The following SLC43A2 variants were observed in gnomAD, a reference collection of about 807,000 sequenced individuals.
SLC43A2 encodes the protein large neutral amino acids transporter small subunit 4.
In SLC43A2, 38 loss-of-function variants were observed where a neutral mutation model predicts 63.2. The observed-to-expected ratio is 0.60, with a 90% confidence interval of 0.46 to 0.79. The LOEUF is 0.79. SLC43A2 is among the 30% of genes least tolerant of loss of function. The probability of loss-of-function intolerance (pLI) is 0.00; values close to 1 mark genes in which losing one functional copy is unlikely to be tolerated. For missense variants in SLC43A2, 644 were observed against 756.2 expected, an observed-to-expected ratio of 0.85 and a Z score of 1.74; for synonymous variants, 322 against 331.0, an observed-to-expected ratio of 0.97 and a Z score of 0.30.
chr17:1,594,745 A>T lies in SLC43A2; in HGVS notation c.502-1466T>A, dbSNP rs371075924. ...TGGGACTATAGGCGCCCGCCACCAC[A>T]CCCGGCTAATTTTTTTGTATTTTCA... On this transcript the variant is annotated intron_variant, in intron 5 of 13. Transcript: ENST00000301335. 5.3e-4 allele frequency among the ~76,000 whole-genome samples: 79 copies of T among 150,314 alleles called. 2 individuals carry two copies. The highest frequency in any genetic ancestry group is 1.8e-3 in the African/African-American group (72 of 40,898).
At chr17:1,582,930 T>A (rs750385604) in intron 11 of SLC43A2, among the ~76,000 whole-genome samples, 2 of 152,000 alleles carry the variant, frequency 1.3e-5, no homozygotes, top group African/African-American at 4.8e-5. Context: ...AATACAAAAA[T>A]TAGCTGGGCG....
At chr17:1,592,546 C>T (rs1026084476) in intron 6 of SLC43A2, among the ~76,000 whole-genome samples, 2 of 152,206 alleles carry the variant, frequency 1.3e-5, no homozygotes, top group Non-Finnish European at 2.9e-5. Context: ...CTTCAATGCC[C>T]AGGTGGCCAG....
Position 1,591,714 on chromosome 17 carries a change from G to T in SLC43A2, c.595-15C>A. 8.1e-7 allele frequency: 1 copy of T among 1,241,102 alleles called. No homozygotes were observed. The highest frequency in any genetic ancestry group is 1.3e-5 in the South Asian group (1 of 78,418). 76.9% of individuals were successfully genotyped at this position (1,241,102 alleles called of 1,614,324 possible). On this transcript the variant is annotated splice_polypyrimidine_tract_variant and intron_variant, in intron 6 of 13. Transcript: ENST00000301335. ...TCATAGATGAGCTGACAGGCACCGC[G>T]GGGACGGGGTGGGGGGGGGAGGGGG...
intron 5 of SLC43A2, among the ~76,000 whole-genome samples, chr17:1,609,074 A>C (rs752382118): frequency 1.2e-4 from 18 of 152,216 alleles, no homozygotes; most frequent in Non-Finnish European, 2.6e-4. Flanking sequence ...CTAATAATGA[A>C]ATAAATTTTA....
At chr17:1,629,305 C>T (rs551336914), upstream of SLC43A2, among the ~76,000 whole-genome samples, 122 of 152,134 alleles carry the variant, frequency 8.0e-4, no homozygotes, top group Non-Finnish European at 1.1e-3. Flanking sequence ...GGTGGTTCCA[C>T]TCTCGAATCC....
At chr17:1,596,707 G>A (rs1166974985) in intron 5 of SLC43A2, among the ~76,000 whole-genome samples, 1 of 151,890 alleles carries the variant, frequency 6.6e-6, no homozygotes, top group East Asian at 1.9e-4. Context: ...AGCCTCCCGA[G>A]CGGCACCTCC....
intron 5 of SLC43A2, 107 bp downstream of exon 5, chr17:1,613,088 A>G: frequency 1.0e-6 from 1 of 998,562 alleles, no homozygotes; most frequent in Non-Finnish European, 1.5e-6. Flanking sequence ...TGGGACACCC[A>G]GGCACATGCA....
Position 1,605,335 on chromosome 17 carries a change from T to A in SLC43A2, c.501+7860A>T. The A allele has an allele frequency of 1.5e-6, 1 of 655,026 alleles. No individual in the cohort carries two copies. Among genetic ancestry groups the A allele is most frequent in the Non-Finnish European group, 1.9e-6 (1 of 516,262 alleles). 40.6% of individuals were successfully genotyped at this position (655,026 alleles called of 1,614,324 possible). On this transcript the variant is annotated intron_variant, in intron 5 of 13. Coordinates refer to ENST00000301335, the MANE Select transcript of SLC43A2 (RefSeq NM_152346.3). The surrounding 1 kb of genome is among the most constrained non-coding windows in gnomAD (Gnocchi z 4.9). ...GCAGGCGGCCCCTCCCCTGGCATTC[T>A]GGCCATAGAGCATGACCACCGGACA...
chr17:1,605,151 G>A lies in SLC43A2; in HGVS notation c.501+8044C>T, dbSNP rs1307446784. On this transcript the variant is annotated intron_variant, in intron 5 of 13. Coordinates refer to ENST00000301335, the MANE Select transcript of SLC43A2 (RefSeq NM_152346.3). The surrounding 1 kb of genome is among the most constrained non-coding windows in gnomAD (Gnocchi z 4.9). ...CAGCCCCCTCGCCGCCTCTGCCTCC[G>A]TGCGGGTCAACCTGTCCTGCCAGCC... The A allele has an allele frequency of 1.7e-5, 22 of 1,257,326 alleles. No individual in the cohort carries two copies. Among genetic ancestry groups the A allele is most frequent in the East Asian group, 8.4e-5 (2 of 23,782 alleles). The allele number at this position is 1,257,326 out of a possible 1,614,324, so 77.9% of individuals were successfully genotyped here.
At chr17:1,611,621 C>G (rs1907114173) in intron 5 of SLC43A2, among the ~76,000 whole-genome samples, 1 of 137,408 alleles carries the variant, frequency 7.3e-6, no homozygotes, top group Admixed American at 7.9e-5. Flanking sequence ...GGCAACCGAG[C>G]AGACTCAAAA....
intron 9 of SLC43A2, among the ~76,000 whole-genome samples, chr17:1,589,480 C>A (rs192465378): frequency 5.8e-4 from 89 of 152,220 alleles, no homozygotes; most frequent in African/African-American, 1.9e-3. Context: ...TGGCGCGCAC[C>A]TGGGGAGCCC....
At chr17:1,610,270 C>A (rs916481425) in intron 5 of SLC43A2, among the ~76,000 whole-genome samples, 8 of 151,068 alleles carry the variant, frequency 5.3e-5, no homozygotes, top group Non-Finnish European at 1.0e-4. Context: ...TAAATTTTTA[C>A]TTTTATTTTT....
intron 5 of SLC43A2, among the ~76,000 whole-genome samples, chr17:1,597,430 G>A (rs1351299916): frequency 1.3e-5 from 2 of 151,074 alleles, no homozygotes; most frequent in African/African-American, 2.4e-5. Flanking sequence ...GCTTGAACCC[G>A]GGTGGTGGAG....
intron 11 of SLC43A2, among the ~76,000 whole-genome samples, chr17:1,582,243 C>A (rs2076030765): frequency 6.6e-6 from 1 of 152,140 alleles, no homozygotes; most frequent in Admixed American, 6.5e-5. Flanking sequence ...CCATGCCCAG[C>A]TAACTTTTAT....
Position 1,591,847 on chromosome 17 carries a change from G to A in SLC43A2, c.595-148C>T, listed in dbSNP as rs773518727. On this transcript the variant is annotated intron_variant, in intron 6 of 13. Transcript: ENST00000301335. ...GAGGCACAGCCCTGCCAGCCTGGGC[G>A]TTGGGGCATCAGGCACCCGCCTTCC... 323 of 660,244 alleles carry A rather than the reference G, an allele frequency of 4.9e-4. 1 individual carries two copies. The highest frequency in any genetic ancestry group is 7.2e-4 in the Non-Finnish European group (274 of 382,380). 40.9% of individuals were successfully genotyped at this position (660,244 alleles called of 1,614,324 possible).
At chr17:1,604,857 C>T (rs1220238701) in intron 5 of SLC43A2, 2 of 1,535,682 alleles carry the variant, frequency 1.3e-6, no homozygotes, top group Non-Finnish European at 1.7e-6. Flanking sequence ...TCCCCACATT[C>T]CCCCTCTCGC....
intron 5 of SLC43A2, among the ~76,000 whole-genome samples, chr17:1,602,295 C>A (rs1282131540): frequency 6.6e-6 from 1 of 152,166 alleles, no homozygotes; most frequent in Non-Finnish European, 1.5e-5. Context: ...GCATGAGCCA[C>A]TGCACCCGGC....
In SLC43A2 at chr17:1,597,377, C is replaced by A. The variant is rs140821417; in HGVS notation, c.502-4098G>T. ...AAAATTAGCCAGGCATGGTGACGTG[C>A]ACCTGTAATCCCAGCTACTTGGGAG... On this transcript the variant is annotated intron_variant, in intron 5 of 13. Transcript: ENST00000301335. 3.7e-3 allele frequency among the ~76,000 whole-genome samples: 549 copies of A among 148,746 alleles called. 4 individuals carry two copies. Among genetic ancestry groups the A allele is most frequent in the African/African-American group, 0.013 (518 of 40,104 alleles).
At chr17:1,586,928 T>TCCCCCCCACCC in intron 9 of SLC43A2, 14 of 1,232,908 alleles carry the variant, frequency 1.1e-5, no homozygotes, top group South Asian at 2.6e-5. Context: ...TCCCTGACAA[T>TCCCCCCCACCC]CCCCCCCACC....
Sources: allele counts gnomAD v4.1 joint callset (sites outside exome capture counted in the v4.1 genomes callset), GRCh38; gene constraint gnomAD v4.1.1; non-coding constraint Gnocchi (gnomAD v3.1); transcripts MANE v1.5; gene names NCBI Gene and HGNC (gene_info 2026-07-23, HGNC 2026-07-21).